The following LNPK variants were observed in gnomAD, a reference collection of about 807,000 sequenced individuals.
The protein encoded by LNPK is endoplasmic reticulum junction formation protein lunapark.
Under a neutral mutation model 55.2 loss-of-function variants are expected in LNPK, and 29 were observed. The observed-to-expected ratio is 0.53, with a 90% CI of 0.39 to 0.72. LNPK has a LOEUF of 0.72. Ranked by LOEUF, LNPK falls within the 30% of genes least tolerant of loss-of-function variation. LNPK has a pLI of 0.00. For missense variants in LNPK, 467 were observed against 494.8 expected (o/e 0.94, Z 0.53); for synonymous variants, 162 against 168.2 (o/e 0.96, Z 0.29).
At chr2:175,986,488 A>C (rs1224160833) in intron 4 of LNPK, among the ~76,000 whole-genome samples, 2 of 152,146 alleles carry the variant, frequency 1.3e-5, no homozygotes, top group Non-Finnish European at 2.9e-5. Flanking sequence ...ATAAAACTAA[A>C]GCAGTGGTCA....
chr2:175,947,071 T>C (rs969968758), intron 9 of LNPK, among the ~76,000 whole-genome samples: 1 of 152,154 alleles, frequency 6.6e-6, no homozygotes, highest in African/African-American at 2.4e-5. Flanking sequence ...GTATTATTCC[T>C]GAAATATGTT....
Position 175,942,639 on chromosome 2 carries a change from GA to G in LNPK, c.707-2983del, listed in dbSNP as rs961717302. On this transcript the variant is annotated intron_variant, in intron 9 of 12. Coordinates refer to ENST00000272748, the MANE Select transcript of LNPK (RefSeq NM_030650.3). Reference sequence around the variant, plus strand: ...AAGTATTTTGAACTGAATGAAAATGGAAAAAAAATCAAAATTTATAATATGC... The same window carrying G: ...AAGTATTTTGAACTGAATGAAAATGGAAAAAAATCAAAATTTATAATATGC... Among the ~76,000 whole-genome samples the G allele has an allele frequency of 1.1e-3, 165 of 150,566 alleles. 1 individual carries two copies. The highest frequency in any genetic ancestry group is 3.6e-3 in the African/African-American group (148 of 41,152).
Position 175,929,675 on chromosome 2 carries a change from A to G in LNPK, c.*292T>C, listed in dbSNP as rs897673132. ...ACGGGTTATACATACAGAAAACAAG[A>G]AGGCAATCATGTTTGCTTACTTTTA... On this transcript the variant is annotated 3_prime_UTR_variant, in exon 13 of 13. Transcript: ENST00000272748. The G allele has an allele frequency of 8.5e-6, 10 of 1,178,082 alleles. No homozygotes were observed. Among genetic ancestry groups the G allele is most frequent in the Admixed American group, 4.2e-5 (1 of 23,784 alleles). 73.0% of individuals were successfully genotyped at this position (1,178,082 alleles called of 1,614,324 possible).
intron 9 of LNPK, among the ~76,000 whole-genome samples, chr2:175,943,767 G>A (rs1222696770): frequency 6.6e-6 from 1 of 151,972 alleles, no homozygotes; most frequent in East Asian, 1.9e-4. Flanking sequence ...GAATAGGTGG[G>A]CACTTCAAGC....
intron 9 of LNPK, among the ~76,000 whole-genome samples, chr2:175,941,790 C>CAAAAAAA (rs59162981): frequency 1.9e-3 from 100 of 51,704 alleles, no homozygotes; most frequent in East Asian, 2.2e-3. Context: ...GATTCCATCT[C>CAAAAAAA]AAAAAAAAAA....
At chr2:175,937,580 A>T in intron 11 of LNPK, 66 bp from the exon 12 acceptor site, 1 of 1,121,968 alleles carries the variant, frequency 8.9e-7, no homozygotes. Flanking sequence ...CTAATTAGTT[A>T]ACTCACAAGA....
intron 8 of LNPK, among the ~76,000 whole-genome samples, chr2:175,954,340 G>A (rs1332393580): frequency 6.6e-6 from 1 of 152,058 alleles, no homozygotes; most frequent in East Asian, 1.9e-4. Context: ...TGATAAACAG[G>A]AAAATGGCCT....
rs2105503845 is a variant in LNPK at position 175,929,023 on chromosome 2, A to C, written c.*944T>G. ...TGCTCTAAGCAGAATCTACAGATTT[A>C]TTGTATTGTGAGCTATTCCTCCTAA... is the stretch of plus-strand genomic sequence containing the variant. On this transcript the variant is annotated 3_prime_UTR_variant, in exon 13 of 13. Transcript: ENST00000272748. 1 of 649,764 alleles carries C rather than the reference A, an allele frequency of 1.5e-6. No individual in the cohort carries two copies. The highest frequency in any genetic ancestry group is 1.9e-6 in the Non-Finnish European group (1 of 522,884). The allele number at this position is 649,764 out of a possible 1,614,324, so 40.2% of individuals were successfully genotyped here.
intron 1 of LNPK, among the ~76,000 whole-genome samples, chr2:175,997,170 T>TA (rs1687971228): frequency 6.6e-6 from 1 of 152,190 alleles, no homozygotes; most frequent in Admixed American, 6.5e-5. Flanking sequence ...CACAAAGTAA[T>TA]TTTTAAGGAC....
Position 175,929,005 on chromosome 2 carries a change from AGCAGAATC to A in LNPK, c.*954_*961del, listed in dbSNP as rs1684142733. On this transcript the variant is annotated 3_prime_UTR_variant, in exon 13 of 13. Transcript: ENST00000272748. ...AATAAAAGTACCATAATTTGCTCTA[AGCAGAATC>A]TACAGATTTATTGTATTGTGAGCTA... The A allele has an allele frequency of 2.0e-6, 1 of 503,620 alleles. No homozygotes were observed. The highest frequency in any genetic ancestry group is 2.1e-5 in the African/African-American group (1 of 47,914). The allele number at this position is 503,620 out of a possible 1,614,324, so 31.2% of individuals were successfully genotyped here.
Position 175,970,935 on chromosome 2 carries a change from G to A in LNPK, c.317-131C>T, listed in dbSNP as rs941167624. On this transcript the variant is annotated intron_variant, in intron 5 of 12. Coordinates refer to ENST00000272748, the MANE Select transcript of LNPK (RefSeq NM_030650.3). ...TTTTTCAAAATTTAACTGATGTGTA[G>A]AGACAAAAATTATCTCCATCTTCAC... 3 of 726,814 alleles carry A rather than the reference G, an allele frequency of 4.1e-6. No individual in the cohort carries two copies. In the African/African-American group the frequency reaches 5.7e-5, roughly 14 times the overall value. 45.0% of individuals were successfully genotyped at this position (726,814 alleles called of 1,614,324 possible).
chr2:175,989,165 A>G (rs374721187), intron 4 of LNPK, among the ~76,000 whole-genome samples: 2 of 152,282 alleles, frequency 1.3e-5, no homozygotes, highest in Admixed American at 6.5e-5. Context: ...ACCTAGCTGG[A>G]TTGAGGAAAT....
intron 3 of LNPK, 48 bp from the exon 4 acceptor site, chr2:175,992,466 A>G (rs1687751242): frequency 1.7e-6 from 2 of 1,188,796 alleles, no homozygotes; most frequent in Non-Finnish European, 2.3e-6. Context: ...AACTTCATAA[A>G]GAAATTAAAA....
intron 6 of LNPK, among the ~76,000 whole-genome samples, chr2:175,970,251 T>C (rs532578716): frequency 3.9e-5 from 6 of 152,276 alleles, no homozygotes; most frequent in South Asian, 2.1e-4. Flanking sequence ...AGCCCCACAA[T>C]AGATATCCAT....
chr2:175,983,439 C>T (rs1215492449), intron 4 of LNPK, among the ~76,000 whole-genome samples: 1 of 152,132 alleles, frequency 6.6e-6, no homozygotes, highest in African/African-American at 2.4e-5. Flanking sequence ...TTTATACCAA[C>T]ACGACCTATA....
chr2:175,944,089 T>C (rs2592503), intron 9 of LNPK, among the ~76,000 whole-genome samples: 41,498 of 152,008 alleles, frequency 0.27, 6,272 homozygotes, highest in South Asian at 0.42. Flanking sequence ...GGTTATAGGA[T>C]ACAAGAGCAA....
intron 8 of LNPK, among the ~76,000 whole-genome samples, chr2:175,950,613 C>T (rs1485006994): frequency 6.6e-6 from 1 of 152,024 alleles, no homozygotes; most frequent in East Asian, 1.9e-4. Context: ...GATAAAACAG[C>T]ATAGCTGTGC....
At chr2:175,948,363 C>A (rs1255958313) in intron 8 of LNPK, among the ~76,000 whole-genome samples, 1 of 152,162 alleles carries the variant, frequency 6.6e-6, no homozygotes, top group African/African-American at 2.4e-5. Context: ...CAGGCTGCCG[C>A]CTGCTTTTGT....
chr2:175,961,093 C>G (rs115629788), intron 8 of LNPK, among the ~76,000 whole-genome samples: 22,570 of 152,068 alleles, frequency 0.15, 2,019 homozygotes, highest in South Asian at 0.39. Context: ...AATTACAGGA[C>G]CAAATGAATT....
Sources: allele counts gnomAD v4.1 joint callset (sites outside exome capture counted in the v4.1 genomes callset), GRCh38; gene constraint gnomAD v4.1.1; transcripts MANE v1.5; gene names NCBI Gene and HGNC (gene_info 2026-07-23, HGNC 2026-07-21).